SLC5A1: variants seen among roughly 807,000 people sequenced by gnomAD.
SLC5A1 encodes solute carrier family 5 member 1, also known as sodium/glucose cotransporter 1.
A neutral mutation model predicts 73.5 loss-of-function variants in SLC5A1; 42 were observed. That is an observed-to-expected ratio of 0.57 (90% CI 0.45 to 0.74). SLC5A1 has a LOEUF of 0.74. Among genes scored for constraint, SLC5A1 ranks in the 30% least tolerant of loss-of-function variants. The pLI is 0.00. For synonymous variants in SLC5A1, 300 were observed against 317.4 expected, an observed-to-expected ratio of 0.95 and a Z score of 0.58; for missense variants, 634 against 855.4, an observed-to-expected ratio of 0.74 and a Z score of 3.23.
chr22:32,057,362 G>A (rs1279901659), intron 2 of SLC5A1, among the ~76,000 whole-genome samples: 5 of 152,164 alleles, frequency 3.3e-5, no homozygotes, highest in African/African-American at 1.2e-4. Flanking sequence ...GACCTCCTGG[G>A]CTCAAAGGAT....
intron 6 of SLC5A1, 69 bp downstream of exon 6, chr22:32,082,040 G>A: frequency 3.1e-6 from 3 of 977,594 alleles, no homozygotes; most frequent in South Asian, 2.6e-5. Flanking sequence ...AGGATAAAGG[G>A]AAGTAGGAGA....
At chr22:32,080,623 A>G (rs2093998266) in intron 5 of SLC5A1, among the ~76,000 whole-genome samples, 1 of 152,132 alleles carries the variant, frequency 6.6e-6, no homozygotes, top group Non-Finnish European at 1.5e-5. Context: ...GTGAAATGTT[A>G]GGGTTTGTGC....
At chr22:32,079,886 G>A (rs2093996829) in intron 5 of SLC5A1, among the ~76,000 whole-genome samples, 1 of 152,202 alleles carries the variant, frequency 6.6e-6, no homozygotes, top group Admixed American at 6.5e-5. Flanking sequence ...ATGCACAGCA[G>A]AGGCGCCTTC....
intron 11 of SLC5A1, among the ~76,000 whole-genome samples, chr22:32,098,323 G>T (rs2094029695): frequency 6.6e-6 from 1 of 152,188 alleles, no homozygotes; most frequent in South Asian, 2.1e-4. Flanking sequence ...GAGGTCACTG[G>T]TGTGTATGTC....
intron 5 of SLC5A1, among the ~76,000 whole-genome samples, chr22:32,074,963 C>T (rs2093988498): frequency 9.2e-5 from 14 of 151,874 alleles, no homozygotes; most frequent in Admixed American, 9.2e-4. Context: ...GTGGCATGAT[C>T]ATGGGTCAAT....
intron 5 of SLC5A1, among the ~76,000 whole-genome samples, chr22:32,071,703 G>A (rs543447671): frequency 2.8e-4 from 42 of 152,088 alleles, no homozygotes; most frequent in African/African-American, 1.0e-3. Flanking sequence ...CCCCTATCCA[G>A]CACCAAAGGC....
At chr22:32,069,809 G>C (rs2093979879) in intron 5 of SLC5A1, among the ~76,000 whole-genome samples, 1 of 152,182 alleles carries the variant, frequency 6.6e-6, no homozygotes, top group Non-Finnish European at 1.5e-5. Context: ...CAAGCAGCCA[G>C]TGCCAACTCT....
At chr22:32,105,125 A>C (rs912375797) in intron 14 of SLC5A1, among the ~76,000 whole-genome samples, 1 of 151,994 alleles carries the variant, frequency 6.6e-6, no homozygotes, top group Admixed American at 6.5e-5. Context: ...CATATTTAAA[A>C]AATTTTTGTG....
At chr22:32,096,134 GCATGATGCTCTGTC>G (rs1334963457) in intron 11 of SLC5A1, among the ~76,000 whole-genome samples, 2 of 152,168 alleles carry the variant, frequency 1.3e-5, no homozygotes, top group East Asian at 1.9e-4. Context: ...GCTAGTCTCT[GCATGATGCTCTGTC>G]CATCTGAGTG....
chr22:32,055,878 G>A (rs1461364888), intron 2 of SLC5A1, among the ~76,000 whole-genome samples: 1 of 152,196 alleles, frequency 6.6e-6, no homozygotes, highest in African/African-American at 2.4e-5. Flanking sequence ...ATTCTCCCAG[G>A]ATGGGGCTCT....
Position 32,099,351 on chromosome 22 carries a change from A to G in SLC5A1, c.1449A>G (p.Pro483=), listed in dbSNP as rs752536347. The G allele has an allele frequency of 6.2e-7, 1 of 1,611,586 alleles. No homozygotes were observed. The highest frequency in any genetic ancestry group is 1.3e-5 in the African/African-American group (1 of 74,910). ...TTTTCTGGAAGAGAGTCAATGAGCC[A>G]GTAGGTATCATCTGGGCATGTCCAG... The part of the protein sequence containing the change: ...LAIFWKRVNE[P]GAFWGLILGL... The change falls in exon 12 of 15, where the codon CCA becomes CCG. Residue 483 remains proline, a splice_region_variant and synonymous_variant. Coordinates refer to ENST00000266088, the MANE Select transcript of SLC5A1 (RefSeq NM_000343.4).
At chr22:32,104,934 T>A in intron 14 of SLC5A1, 43 bp downstream of exon 14, 1 of 1,336,608 alleles carries the variant, frequency 7.5e-7, no homozygotes, top group South Asian at 1.2e-5. Flanking sequence ...TAAAAGTTAC[T>A]CCTACAACAA....
At position 32,082,965 on chromosome 22, in the gene SLC5A1, G is replaced by C. The variant is rs536327402; in HGVS notation, c.584-109G>C. ...GGAGAGGCAGGCAAACCACTGTGGG[G>C]ATGTTCTCAGAAGGCCAGCAGAAGT... is the stretch of plus-strand genomic sequence containing the variant. On this transcript the variant is annotated intron_variant, in intron 6 of 14. Transcript: ENST00000266088. 4 of 887,730 alleles carry C rather than the reference G, an allele frequency of 4.5e-6. No homozygotes were observed. In the East Asian group the frequency reaches 1.0e-4, roughly 23 times the overall value. 55.0% of individuals were successfully genotyped at this position (887,730 alleles called of 1,614,324 possible).
intron 10 of SLC5A1, among the ~76,000 whole-genome samples, chr22:32,089,489 T>G (rs1034366951): frequency 6.6e-6 from 1 of 152,224 alleles, no homozygotes; most frequent in African/African-American, 2.4e-5. Flanking sequence ...TAAGTAAAGT[T>G]CTAAACATTT....
chr22:32,068,360 C>T (rs2093977534), intron 4 of SLC5A1, 136 bp from the exon 5 acceptor site: 1 of 742,624 alleles, frequency 1.3e-6, no homozygotes, highest in Non-Finnish European at 2.4e-6. Context: ...ACCTCGCAGA[C>T]TTCTCTGGCC....
intron 10 of SLC5A1, among the ~76,000 whole-genome samples, 186 bp from the exon 11 acceptor site, chr22:32,091,426 T>C (rs1479323309): frequency 6.6e-6 from 1 of 152,098 alleles, no homozygotes; most frequent in Non-Finnish European, 1.5e-5. Context: ...GCTGTGGGCT[T>C]ATAATGGGCT....
intron 2 of SLC5A1, among the ~76,000 whole-genome samples, chr22:32,066,640 A>C (rs1026667783): frequency 1.3e-5 from 2 of 152,198 alleles, no homozygotes; most frequent in African/African-American, 4.8e-5. Context: ...GGGACTTCCC[A>C]TATCTTCTTC....
intron 2 of SLC5A1, among the ~76,000 whole-genome samples, chr22:32,056,881 T>A (rs1386904912): frequency 1.3e-5 from 2 of 152,242 alleles, no homozygotes; most frequent in Non-Finnish European, 2.9e-5. Flanking sequence ...GGGTAATCTA[T>A]AAAAACATGG....
intron 11 of SLC5A1, among the ~76,000 whole-genome samples, chr22:32,093,720 A>G (rs2094021974): frequency 6.6e-6 from 1 of 152,136 alleles, no homozygotes; most frequent in Non-Finnish European, 1.5e-5. Flanking sequence ...AAATTCATTT[A>G]TCAGTTCTAC....
Sources: allele counts gnomAD v4.1 joint callset (sites outside exome capture counted in the v4.1 genomes callset), GRCh38; gene constraint gnomAD v4.1.1; transcripts MANE v1.5; gene names NCBI Gene and HGNC (gene_info 2026-07-23, HGNC 2026-07-21).